Variants in XRCC4 observed in about 807,000 individuals in gnomAD.
XRCC4 encodes DNA repair protein XRCC4.
A neutral mutation model predicts 39.1 loss-of-function variants in XRCC4; 28 were observed. The observed-to-expected ratio is 0.72, with a 90% CI of 0.53 to 0.98. XRCC4 has a LOEUF of 0.98. Ranked by LOEUF, XRCC4 falls within the 50% of genes least tolerant of loss-of-function variation. XRCC4 has a pLI of 0.00. For synonymous variants in XRCC4, 123 were observed against 126.4 expected, an observed-to-expected ratio of 0.97 and a Z score of 0.18; for missense variants, 350 against 376.4, an observed-to-expected ratio of 0.93 and a Z score of 0.58.
At chr5:83,123,153 C>T (rs754933452) in intron 3 of XRCC4, among the ~76,000 whole-genome samples, 7 of 152,058 alleles carry the variant, frequency 4.6e-5, no homozygotes, top group Non-Finnish European at 1.0e-4. Flanking sequence ...AACTGTAATT[C>T]TATATTTGTC....
At chr5:83,168,652 C>T (rs573277834) in intron 3 of XRCC4, among the ~76,000 whole-genome samples, 3 of 152,168 alleles carry the variant, frequency 2.0e-5, no homozygotes, top group East Asian at 1.9e-4. Flanking sequence ...CAGAGACCAA[C>T]ATATGGTCCA....
intron 1 of XRCC4, among the ~76,000 whole-genome samples, chr5:83,081,820 T>C (rs1018766280): frequency 6.6e-6 from 1 of 152,210 alleles, no homozygotes; most frequent in Non-Finnish European, 1.5e-5. Flanking sequence ...TGCTCCATGT[T>C]CCAATTCCTC....
intron 6 of XRCC4, among the ~76,000 whole-genome samples, chr5:83,215,358 A>G (rs1751818533): frequency 6.6e-6 from 1 of 152,060 alleles, no homozygotes; most frequent in Admixed American, 6.6e-5. Flanking sequence ...AAAAAAATTA[A>G]TATTGTTAAG....
intron 6 of XRCC4, among the ~76,000 whole-genome samples, chr5:83,237,647 TAAAATC>T (rs1196920939): frequency 1.6e-4 from 24 of 151,874 alleles, no homozygotes; most frequent in Admixed American, 1.6e-3. Context: ...ATAGGAGAAA[TAAAATC>T]TAATGTTCAG....
chr5:83,372,658 C>T, the XRCC4 span, among the ~76,000 whole-genome samples: 1 of 152,142 alleles, frequency 6.6e-6, no homozygotes, highest in East Asian at 1.9e-4. Flanking sequence ...CAGTTACTTG[C>T]TTCACCAAAT....
chr5:83,099,463 T>A (rs1229060179), intron 1 of XRCC4, among the ~76,000 whole-genome samples: 3 of 152,200 alleles, frequency 2.0e-5, no homozygotes, highest in African/African-American at 7.2e-5. Context: ...AAATTCTTTG[T>A]AAACTAATTT....
At chr5:83,112,572 A>T (rs181149919) in intron 3 of XRCC4, among the ~76,000 whole-genome samples, 65 of 152,332 alleles carry the variant, frequency 4.3e-4, no homozygotes, top group African/African-American at 1.4e-3. Context: ...CATGTATATT[A>T]ATCTGTTCTC....
At chr5:83,186,904 A>G (rs909076775) in intron 3 of XRCC4, among the ~76,000 whole-genome samples, 3 of 151,792 alleles carry the variant, frequency 2.0e-5, no homozygotes, top group East Asian at 1.9e-4. Context: ...CGTTTCTAGA[A>G]ACCACATACA....
At chr5:83,163,524 A>G (rs994715862) in intron 3 of XRCC4, among the ~76,000 whole-genome samples, 1 of 152,228 alleles carries the variant, frequency 6.6e-6, no homozygotes, top group Admixed American at 6.5e-5. Context: ...AAACAAAATA[A>G]AGCATTAAAA....
chr5:83,219,059 T>C (rs1751981296), intron 6 of XRCC4, among the ~76,000 whole-genome samples: 2 of 152,084 alleles, frequency 1.3e-5, no homozygotes, highest in Admixed American at 1.3e-4. Context: ...GGGAATGATT[T>C]ATTAACCAGG....
chr5:83,190,070 A>G (rs1289064678), intron 3 of XRCC4, among the ~76,000 whole-genome samples: 1 of 152,144 alleles, frequency 6.6e-6, no homozygotes, highest in Admixed American at 6.5e-5. Context: ...TCTCAAAAAA[A>G]TAAAATAAAA....
chr5:83,234,876 T>C (rs964241097), intron 6 of XRCC4, among the ~76,000 whole-genome samples: 1 of 151,846 alleles, frequency 6.6e-6, no homozygotes, highest in African/African-American at 2.4e-5. Flanking sequence ...TAAAGAGGTT[T>C]AAGTTAATCC....
chr5:83,238,584 A>G (rs893169792), intron 6 of XRCC4, among the ~76,000 whole-genome samples: 1 of 150,894 alleles, frequency 6.6e-6, no homozygotes, highest in African/African-American at 2.5e-5. Flanking sequence ...TTAAAGAATA[A>G]GATAAAAATA....
intron 2 of XRCC4, among the ~76,000 whole-genome samples, chr5:83,108,205 A>G (rs1249491533): frequency 6.6e-6 from 1 of 151,852 alleles, no homozygotes; most frequent in Non-Finnish European, 1.5e-5. Flanking sequence ...TGGTCACTGA[A>G]GTTTTAGAGC....
In XRCC4 at chr5:83,214,427, A is replaced by G. The variant is rs563018054; in HGVS notation, c.745+9506A>G. On this transcript the variant is annotated intron_variant, in intron 6 of 7. Transcript: ENST00000396027. ...TTGCAATGCATAAGCAAAAAATGAA[A>G]TAAGAAAATTGCTCCTGGCCATGGT... Among the ~76,000 whole-genome samples the G allele has an allele frequency of 2.0e-5, 3 of 152,288 alleles. No individual in the cohort carries two copies. In the East Asian group the frequency reaches 5.8e-4, roughly 29 times the overall value.
Position 83,332,332 on chromosome 5 carries a change from A to G in XRCC4, c.894-20799A>G, listed in dbSNP as rs147737892. 2.3e-4 allele frequency among the ~76,000 whole-genome samples: 35 copies of G among 152,048 alleles called. No individual in the cohort carries two copies. The East Asian group carries it at 5.6e-3, about 24-fold the overall frequency. On this transcript the variant is annotated intron_variant, in intron 7 of 7. Transcript: ENST00000396027. The stretch of plus-strand genomic sequence containing the variant: ...GTCTGGAACGTAATATAAATATTTC[A>G]TGCAGTGTCTTTCAATCATTGGACA...
chr5:83,228,029 GA>G (rs1453335720), intron 6 of XRCC4, among the ~76,000 whole-genome samples: 47 of 151,830 alleles, frequency 3.1e-4, no homozygotes, highest in Non-Finnish European at 5.9e-4. Context: ...GCTAGACTTG[GA>G]AAAAAGTAAA....
chr5:83,244,347 G>A (rs1407461992), intron 6 of XRCC4, among the ~76,000 whole-genome samples: 1 of 152,118 alleles, frequency 6.6e-6, no homozygotes, highest in Non-Finnish European at 1.5e-5. Flanking sequence ...AAGTCAGCTT[G>A]CTGTTTTCTT....
At chr5:83,307,414 A>C (rs1292844553) in intron 7 of XRCC4, among the ~76,000 whole-genome samples, 2 of 152,198 alleles carry the variant, frequency 1.3e-5, no homozygotes, top group Non-Finnish European at 2.9e-5. Flanking sequence ...ATATACTTAC[A>C]GTTTAGCTGA....
Sources: gnomAD v4.1 joint callset for allele counts (sites outside exome capture counted in the v4.1 genomes callset) on GRCh38, gnomAD v4.1.1 for gene constraint, MANE v1.5 for transcripts, NCBI Gene and HGNC (gene_info 2026-07-23, HGNC 2026-07-21) for gene names.